Variants in SLIT3 observed in about 807,000 individuals in gnomAD.
SLIT3 encodes the protein slit homolog 3 protein.
Under a neutral mutation model 184.0 loss-of-function variants are expected in SLIT3, and 68 were observed. That is an observed-to-expected ratio of 0.37 (90% confidence interval 0.30 to 0.45). The LOEUF is 0.45. SLIT3 is among the 20% of genes least tolerant of loss of function. The probability of loss-of-function intolerance (pLI) is 1.00; values close to 1 mark genes in which losing one functional copy is unlikely to be tolerated. For missense variants in SLIT3, 1,707 were observed against 2,026.0 expected (o/e 0.84, Z 3.02); for synonymous variants, 831 against 828.6 (o/e 1.00, Z -0.05).
intron 20 of SLIT3, among the ~76,000 whole-genome samples, chr5:168,728,305 C>T (rs1043982894): frequency 4.0e-5 from 5 of 124,514 alleles, no homozygotes; most frequent in Non-Finnish European, 7.7e-5. Context: ...TATATATCCT[C>T]AGAGAAAATT....
intron 8 of SLIT3, among the ~76,000 whole-genome samples, chr5:168,807,765 C>T (rs1363991754): frequency 6.6e-6 from 1 of 152,130 alleles, no homozygotes; most frequent in Non-Finnish European, 1.5e-5. Context: ...TTTGGTTTGG[C>T]CCCTGTTCAC....
chr5:169,287,917 T>C (rs1220179807), intron 1 of SLIT3, among the ~76,000 whole-genome samples: 1 of 152,134 alleles, frequency 6.6e-6, no homozygotes, highest in African/African-American at 2.4e-5. Flanking sequence ...AAGTGAAGGT[T>C]CTTAGACCCT....
Position 169,155,209 on chromosome 5 carries a change from T to C in SLIT3, c.413+38270A>G, listed in dbSNP as rs62376882. On this transcript the variant is annotated intron_variant, in intron 4 of 35. Coordinates refer to ENST00000519560, the MANE Select transcript of SLIT3 (RefSeq NM_003062.4). ...CCAATTTGCCAAGCACATCCACATA[T>C]TTTCCTTAACAAAAGGACAATACAC... Among the ~76,000 whole-genome samples, 1,356 of 152,270 alleles carry C rather than the reference T, an allele frequency of 8.9e-3. 13 individuals are homozygous for C. Among genetic ancestry groups the C allele is most frequent in the Non-Finnish European group, 0.014 (964 of 68,026 alleles).
intron 4 of SLIT3, among the ~76,000 whole-genome samples, chr5:169,098,044 G>A (rs753250435): frequency 1.3e-5 from 2 of 152,120 alleles, no homozygotes; most frequent in Non-Finnish European, 2.9e-5. Context: ...CTGTCAGAAA[G>A]GATGCCCAGA....
chr5:168,749,322 G>T, intron 19 of SLIT3, 150 bp downstream of exon 19: 1 of 812,964 alleles, frequency 1.2e-6, no homozygotes, highest in Non-Finnish European at 1.9e-6. Flanking sequence ...ATGTGGGCTA[G>T]TAGCAGATCT....
At chr5:169,128,857 C>T (rs549234180) in intron 4 of SLIT3, among the ~76,000 whole-genome samples, 2 of 152,186 alleles carry the variant, frequency 1.3e-5, no homozygotes, top group Non-Finnish European at 2.9e-5. Context: ...GACAGCATTG[C>T]ACACTCCAGG....
At chr5:169,174,686 GC>G (rs1294399288) in intron 4 of SLIT3, among the ~76,000 whole-genome samples, 1 of 151,968 alleles carries the variant, frequency 6.6e-6, no homozygotes, top group Non-Finnish European at 1.5e-5. Context: ...TCTACTGAAG[GC>G]CAACTCATCT....
chr5:169,080,509 C>T (rs960143814), intron 4 of SLIT3, among the ~76,000 whole-genome samples: 2 of 152,228 alleles, frequency 1.3e-5, no homozygotes, highest in Admixed American at 6.5e-5. Context: ...GGGATTTGAT[C>T]CCAGGGAGTC....
At chr5:168,988,284 T>C (rs1448193409) in intron 4 of SLIT3, among the ~76,000 whole-genome samples, 19 of 152,208 alleles carry the variant, frequency 1.2e-4, no homozygotes, top group Admixed American at 1.3e-4. Flanking sequence ...TGTAACTCCA[T>C]AGATATGGTT....
At chr5:168,912,942 AG>A (rs1229648359) in intron 4 of SLIT3, among the ~76,000 whole-genome samples, 2 of 152,266 alleles carry the variant, frequency 1.3e-5, no homozygotes, top group African/African-American at 4.8e-5. Flanking sequence ...CATTCGGCTT[AG>A]GTATTCCACC....
chr5:168,711,120 T>C (rs1580990596), intron 24 of SLIT3, 62 bp from the exon 25 acceptor site: 2 of 1,399,192 alleles, frequency 1.4e-6, no homozygotes, highest in Non-Finnish European at 1.9e-6. Flanking sequence ...CTTCATATCC[T>C]TGGCTCTCTG....
chr5:168,671,588 G>T (rs1582511757), intron 33 of SLIT3, 105 bp from the exon 34 acceptor site: 2 of 1,267,672 alleles, frequency 1.6e-6, no homozygotes, highest in East Asian at 5.1e-5. Context: ...AGAACTCTGG[G>T]CCTCTGCTGT....
chr5:168,688,811 C>T (rs552664649), intron 29 of SLIT3, among the ~76,000 whole-genome samples: 1 of 152,260 alleles, frequency 6.6e-6, no homozygotes, highest in South Asian at 2.1e-4. Context: ...TAAACTTGGC[C>T]CAGGAAGCCA....
intron 3 of SLIT3, among the ~76,000 whole-genome samples, chr5:169,244,216 A>T (rs1765502999): frequency 6.6e-6 from 1 of 152,268 alleles, no homozygotes; most frequent in South Asian, 2.1e-4. Context: ...AGGAGATACA[A>T]GCGCGCTGAA....
chr5:168,763,827 G>A (rs1355617371), intron 14 of SLIT3, among the ~76,000 whole-genome samples: 9 of 152,208 alleles, frequency 5.9e-5, no homozygotes, highest in African/African-American at 2.2e-4. Context: ...CAAAACAAGA[G>A]ATGGGTCCAC....
At chr5:169,100,489 G>T (rs1010142838) in intron 4 of SLIT3, among the ~76,000 whole-genome samples, 2 of 152,180 alleles carry the variant, frequency 1.3e-5, no homozygotes, top group African/African-American at 4.8e-5. Context: ...CAGGTAAAGA[G>T]TTTCCCAGAA....
At chr5:169,195,516 C>T (rs893343136) in intron 3 of SLIT3, among the ~76,000 whole-genome samples, 1 of 152,162 alleles carries the variant, frequency 6.6e-6, no homozygotes, top group Non-Finnish European at 1.5e-5. Flanking sequence ...CTGGCCACCA[C>T]TGGGGCTGAC....
chr5:169,181,599 G>T (rs1459915823), intron 4 of SLIT3, among the ~76,000 whole-genome samples: 2 of 152,016 alleles, frequency 1.3e-5, no homozygotes, highest in African/African-American at 4.8e-5. Context: ...AAATTAGCTG[G>T]GTGTGGTGGC....
At chr5:168,832,266 G>A (rs1710017885) in intron 6 of SLIT3, among the ~76,000 whole-genome samples, 2 of 152,216 alleles carry the variant, frequency 1.3e-5, no homozygotes, top group African/African-American at 4.8e-5. Context: ...TACTGGACAG[G>A]TGAGTTTGCA....
Sources: allele counts gnomAD v4.1 joint callset (sites outside exome capture counted in the v4.1 genomes callset), GRCh38; gene constraint gnomAD v4.1.1; transcripts MANE v1.5; gene names NCBI Gene and HGNC (gene_info 2026-07-23, HGNC 2026-07-21).